Variants in MAPRE2 observed in about 807,000 individuals in gnomAD.
MAPRE2 encodes the protein microtubule associated protein RP/EB family member 2.
In MAPRE2, 13 loss-of-function variants were observed where a neutral mutation model predicts 43.2. That is an observed-to-expected ratio of 0.30 (90% CI 0.20 to 0.48). MAPRE2 has a LOEUF of 0.48. Ranked by LOEUF, MAPRE2 falls within the 20% of genes least tolerant of loss-of-function variation. The pLI is 0.99. For synonymous variants in MAPRE2, 135 were observed against 148.8 expected (o/e 0.91, Z 0.68); for missense variants, 161 against 400.2 (o/e 0.40, Z 5.10).
rs373447663 is a variant in MAPRE2 at position 35,013,754 on chromosome 18, A to G, written c.-8+8201A>G. The stretch of plus-strand genomic sequence containing the variant: ...CAACTTTTGTTTAGTAATAGCTTTC[A>G]CGTATTAGTGAGAATATGCAGTGTT... On this transcript the variant is annotated intron_variant, in intron 2 of 7. Coordinates refer to the MAPRE2 transcript ENST00000413393. Among the ~76,000 whole-genome samples, 16 of 152,126 alleles carry G rather than the reference A, an allele frequency of 1.1e-4. 1 individual carries two copies. The highest frequency in any genetic ancestry group is 4.6e-4 in the Admixed American group (7 of 15,258).
intron 5 of MAPRE2, among the ~76,000 whole-genome samples, chr18:35,130,150 TG>T (rs150492345): frequency 0.015 from 2,194 of 147,074 alleles, 53 homozygotes; most frequent in African/African-American, 0.048. Context: ...TACAGGGGGC[TG>T]GGGGGGGGTG....
At chr18:34,981,894 T>TTA (rs1568959725) in intron 1 of MAPRE2, among the ~76,000 whole-genome samples, 4 of 146,572 alleles carry the variant, frequency 2.7e-5, no homozygotes, top group African/African-American at 7.9e-5. Context: ...TTTATTTTTT[T>TTA]TTTTTTTTGA....
At chr18:35,113,526 C>G (rs928828223) in intron 4 of MAPRE2, among the ~76,000 whole-genome samples, 20 of 152,082 alleles carry the variant, frequency 1.3e-4, no homozygotes, top group African/African-American at 4.8e-4. Context: ...TGTTGTGATA[C>G]TATTACTTTG....
chr18:35,009,200 G>A (rs1377937712), intron 2 of MAPRE2, among the ~76,000 whole-genome samples: 1 of 152,078 alleles, frequency 6.6e-6, no homozygotes, highest in African/African-American at 2.4e-5. Context: ...TTGGGGAGGG[G>A]GAGGTAGAGA....
At chr18:35,139,319 T>C (rs1435331205) in intron 6 of MAPRE2, among the ~76,000 whole-genome samples, 1 of 152,174 alleles carries the variant, frequency 6.6e-6, no homozygotes, top group East Asian at 1.9e-4. Flanking sequence ...AGAAGCTGTG[T>C]GCCCTTACTG....
intron 6 of MAPRE2, among the ~76,000 whole-genome samples, chr18:35,139,118 A>G (rs894552041): frequency 6.6e-6 from 1 of 152,210 alleles, no homozygotes; most frequent in African/African-American, 2.4e-5. Context: ...AGGAGAAGAG[A>G]GAAGGAATTC....
At chr18:35,082,628 G>GCT (rs1555916648) in intron 2 of MAPRE2, among the ~76,000 whole-genome samples, 1 of 151,902 alleles carries the variant, frequency 6.6e-6, no homozygotes, top group South Asian at 2.1e-4. Flanking sequence ...CAAAATGTGA[G>GCT]CTCTCTCTCT....
chr18:35,092,529 A>G (rs1278918566), intron 2 of MAPRE2, among the ~76,000 whole-genome samples: 1 of 152,204 alleles, frequency 6.6e-6, no homozygotes, highest in Non-Finnish European at 1.5e-5. Context: ...ACATAGGGGA[A>G]ATACTTCATG....
chr18:35,094,143 A>G lies in MAPRE2; in HGVS notation c.251-3303A>G, dbSNP rs966029401. The stretch of plus-strand genomic sequence containing the variant: ...ACCACAAAGAAATGATAAATGTGTG[A>G]GGTGATGGATATGCCAAATACCCTG... On this transcript the variant is annotated intron_variant, in intron 2 of 6. Coordinates refer to ENST00000300249, the MANE Select transcript of MAPRE2 (RefSeq NM_014268.4). Among the ~76,000 whole-genome samples, 47 of 152,234 alleles carry G rather than the reference A, an allele frequency of 3.1e-4. 1 individual carries two copies. Among genetic ancestry groups the G allele is most frequent in the Non-Finnish European group, 5.1e-4 (35 of 68,040 alleles).
intron 4 of MAPRE2, among the ~76,000 whole-genome samples, chr18:35,106,026 G>T (rs924435792): frequency 6.6e-6 from 1 of 152,042 alleles, no homozygotes; most frequent in South Asian, 2.1e-4. Flanking sequence ...ACTCAAAGCC[G>T]TTCTCTTTAT....
At chr18:35,107,411 T>C (rs1240919849) in intron 4 of MAPRE2, among the ~76,000 whole-genome samples, 1 of 152,192 alleles carries the variant, frequency 6.6e-6, no homozygotes, top group Non-Finnish European at 1.5e-5. Flanking sequence ...AATGTAATCA[T>C]GTTTATTCAT....
upstream of MAPRE2, chr18:35,041,210 G>A (rs1905335563): frequency 1.3e-6 from 1 of 757,720 alleles, no homozygotes; most frequent in South Asian, 2.2e-5. Context: ...GGTTTTACAT[G>A]CCAGATGTAG....
chr18:35,041,266 G>A (rs1603392922), upstream of MAPRE2: 7 of 1,317,330 alleles, frequency 5.3e-6, no homozygotes, highest in South Asian at 4.7e-5. Context: ...GTCACGCCGC[G>A]ACCCTGTGCG....
Position 35,143,016 on chromosome 18 carries a change from T to C in MAPRE2, c.*2647T>C, listed in dbSNP as rs950252303. ...TCCACTGCTACTGTCAGATAGGAAG[T>C]GATCGAAGCAGGGGGCAAAGAGAAA... On this transcript the variant is annotated 3_prime_UTR_variant, in exon 7 of 7. Transcript: ENST00000300249. The C allele has an allele frequency of 7.0e-6, 1 of 142,612 alleles. No individual in the cohort carries two copies. Among genetic ancestry groups the C allele is most frequent in the South Asian group, 2.1e-4 (1 of 4,664 alleles). 8.8% of individuals were successfully genotyped at this position (142,612 alleles called of 1,614,324 possible).
chr18:35,006,305 T>C (rs945439460), intron 2 of MAPRE2, among the ~76,000 whole-genome samples: 3 of 152,200 alleles, frequency 2.0e-5, no homozygotes, highest in African/African-American at 7.2e-5. Flanking sequence ...TCTTTTATTT[T>C]ACTCCTATTT....
chr18:35,070,111 G>T, intron 1 of MAPRE2, 84 bp from the exon 2 acceptor site: 1 of 1,267,314 alleles, frequency 7.9e-7, no homozygotes, highest in Non-Finnish European at 1.1e-6. Context: ...CTGGAGTCCT[G>T]CCAGGATCTT....
At chr18:34,989,533 G>C (rs1211825075) in intron 1 of MAPRE2, among the ~76,000 whole-genome samples, 1 of 152,122 alleles carries the variant, frequency 6.6e-6, no homozygotes, top group Non-Finnish European at 1.5e-5. Flanking sequence ...AACATAGTGA[G>C]ACCCTATGTT....
At chr18:35,004,250 C>T (rs769583189) in intron 1 of MAPRE2, among the ~76,000 whole-genome samples, 2 of 152,094 alleles carry the variant, frequency 1.3e-5, no homozygotes, top group Non-Finnish European at 2.9e-5. Context: ...ACCTGTGTCT[C>T]GGAATAATCA....
chr18:35,009,765 A>G (rs1036016727), intron 2 of MAPRE2, among the ~76,000 whole-genome samples: 20 of 152,176 alleles, frequency 1.3e-4, no homozygotes, highest in Admixed American at 5.2e-4. Context: ...TGTGGGTTTC[A>G]TTTGTGTTTT....
Sources: gnomAD v4.1 joint callset for allele counts (sites outside exome capture counted in the v4.1 genomes callset) on GRCh38, gnomAD v4.1.1 for gene constraint, MANE v1.5 for transcripts, NCBI Gene and HGNC (gene_info 2026-07-23, HGNC 2026-07-21) for gene names.